LDB2: variants seen among roughly 807,000 people sequenced by gnomAD.
The protein encoded by LDB2 is LIM domain-binding protein 2.
Under a neutral mutation model 44.3 loss-of-function variants are expected in LDB2, and 12 were observed. The ratio of observed to expected loss-of-function variants is 0.27; its 90% CI spans 0.17 to 0.44. The LOEUF (loss-of-function observed/expected upper bound fraction) is 0.44, where lower values mean the gene tolerates loss of function less well. Ranked by LOEUF, LDB2 falls within the 20% of genes least tolerant of loss-of-function variation. LDB2 has a pLI of 1.00. For missense variants in LDB2, 344 were observed against 473.5 expected (o/e 0.73, Z 2.54); for synonymous variants, 164 against 174.8 (o/e 0.94, Z 0.49).
At position 16,782,397 on chromosome 4, in the gene LDB2, C is replaced by T. The variant is rs183616409; in HGVS notation, c.133-23137G>A. On this transcript the variant is annotated intron_variant, in intron 1 of 7. Coordinates refer to ENST00000304523, the MANE Select transcript of LDB2 (RefSeq NM_001290.5). ...ACGGAGTCTTGCTCTGTCTCCCAGG[C>T]TGGAGTGCAGTGGCACGATCTTGGT... Among the ~76,000 whole-genome samples, 434 of 150,670 alleles carry T rather than the reference C, an allele frequency of 2.9e-3. 1 individual carries two copies. The highest frequency in any genetic ancestry group is 5.0e-3 in the Non-Finnish European group (341 of 67,814).
At chr4:16,705,000 A>G (rs1424557534) in intron 2 of LDB2, among the ~76,000 whole-genome samples, 1 of 152,192 alleles carries the variant, frequency 6.6e-6, no homozygotes, top group East Asian at 1.9e-4. Flanking sequence ...TTGGCTTAAG[A>G]GGAAATTTCA....
rs16894113 is a variant in LDB2 at position 16,866,576 on chromosome 4, T to C, written c.132+31778A>G. 9.6e-4 allele frequency among the ~76,000 whole-genome samples: 146 copies of C among 152,202 alleles called. 1 individual carries two copies. The highest frequency in any genetic ancestry group is 3.4e-3 in the African/African-American group (142 of 41,534). ...CAACATTATACTCTAGGTTAGTCAA[T>C]GAAAAGACAGGGTGAAAAGAAGTTG... On this transcript the variant is annotated intron_variant, in intron 1 of 7. Transcript: ENST00000304523.
chr4:16,731,087 A>G (rs945654591), intron 2 of LDB2, among the ~76,000 whole-genome samples: 2 of 152,198 alleles, frequency 1.3e-5, no homozygotes, highest in Non-Finnish European at 2.9e-5. Flanking sequence ...ACCACCAAAA[A>G]GAATCAGACC....
chr4:16,559,479 A>G (rs1387871058), intron 5 of LDB2, among the ~76,000 whole-genome samples: 1 of 152,220 alleles, frequency 6.6e-6, no homozygotes, highest in African/African-American at 2.4e-5. Flanking sequence ...AGGCCATTAT[A>G]TAATGGTAAA....
intron 1 of LDB2, among the ~76,000 whole-genome samples, chr4:16,844,294 C>A (rs370900412): frequency 1.4e-5 from 2 of 143,192 alleles, no homozygotes; most frequent in South Asian, 2.3e-4. Flanking sequence ...AATGGTGAGT[C>A]ACCAAGCAAC....
At chr4:16,814,029 G>A (rs906837321) in intron 1 of LDB2, among the ~76,000 whole-genome samples, 11 of 151,848 alleles carry the variant, frequency 7.2e-5, no homozygotes, top group African/African-American at 1.9e-4. Context: ...CCACCACCAC[G>A]CCTGGCTAAT....
intron 2 of LDB2, among the ~76,000 whole-genome samples, chr4:16,666,181 AG>A (rs1053816982): frequency 1.3e-5 from 2 of 152,232 alleles, no homozygotes; most frequent in Non-Finnish European, 1.5e-5. Context: ...GATGATGGAA[AG>A]CACAATAGGG....
intron 2 of LDB2, among the ~76,000 whole-genome samples, chr4:16,601,960 C>T (rs1415306797): frequency 6.6e-6 from 1 of 151,936 alleles, no homozygotes; most frequent in African/African-American, 2.4e-5. Context: ...GATACTAGTT[C>T]AAGGTAGATC....
At chr4:16,527,392 C>T (rs1301435215) in intron 5 of LDB2, among the ~76,000 whole-genome samples, 2 of 151,630 alleles carry the variant, frequency 1.3e-5, no homozygotes, top group Admixed American at 6.6e-5. Context: ...ACCTTACTCC[C>T]GGAAGAATGG....
At chr4:16,567,058 A>G (rs1481711193) in intron 5 of LDB2, among the ~76,000 whole-genome samples, 2 of 152,224 alleles carry the variant, frequency 1.3e-5, no homozygotes, top group Admixed American at 6.5e-5. Flanking sequence ...TACAACCACT[A>G]TGTTGAATAA....
chr4:16,568,693 A>T (rs764100176), intron 5 of LDB2, among the ~76,000 whole-genome samples: 1 of 152,206 alleles, frequency 6.6e-6, no homozygotes, highest in Non-Finnish European at 1.5e-5. Context: ...GAACCTACAG[A>T]TAAGAAAAAT....
intron 1 of LDB2, among the ~76,000 whole-genome samples, chr4:16,768,816 T>C (rs1464103292): frequency 6.6e-6 from 1 of 152,146 alleles, no homozygotes; most frequent in African/African-American, 2.4e-5. Context: ...TATAAACCCC[T>C]TAAAACCTCA....
intron 5 of LDB2, among the ~76,000 whole-genome samples, chr4:16,584,410 G>T (rs898733531): frequency 1.3e-5 from 2 of 152,348 alleles, no homozygotes; most frequent in Middle Eastern, 3.4e-3. Flanking sequence ...GAAGCGCATG[G>T]ATTCTTGGGT....
intron 2 of LDB2, among the ~76,000 whole-genome samples, chr4:16,716,884 A>C (rs1757168079): frequency 6.6e-6 from 1 of 152,100 alleles, no homozygotes; most frequent in African/African-American, 2.4e-5. Context: ...TCATGTATTT[A>C]TTTTAATGTG....
intron 1 of LDB2, among the ~76,000 whole-genome samples, chr4:16,860,493 C>T (rs962276587): frequency 2.6e-5 from 4 of 152,194 alleles, no homozygotes; most frequent in African/African-American, 9.7e-5. Flanking sequence ...AAGAAAATGA[C>T]ACCAGCCATC....
At chr4:16,615,459 C>T (rs1434494976) in intron 2 of LDB2, among the ~76,000 whole-genome samples, 1 of 152,078 alleles carries the variant, frequency 6.6e-6, no homozygotes, top group African/African-American at 2.4e-5. Flanking sequence ...TTTGCAGGGA[C>T]ATGGATGAAG....
At chr4:16,659,619 C>T (rs965239835) in intron 2 of LDB2, among the ~76,000 whole-genome samples, 2 of 142,298 alleles carry the variant, frequency 1.4e-5, no homozygotes, top group African/African-American at 5.6e-5. Context: ...TACACACACA[C>T]ACATACATAG....
At chr4:16,808,110 AG>A (rs112082017) in intron 1 of LDB2, among the ~76,000 whole-genome samples, 9 of 152,160 alleles carry the variant, frequency 5.9e-5, no homozygotes, top group African/African-American at 1.7e-4. Context: ...GAAAAAAAGA[AG>A]GAAAAAAAGG....
intron 1 of LDB2, among the ~76,000 whole-genome samples, chr4:16,828,599 C>A (rs561926493): frequency 1.3e-3 from 198 of 152,220 alleles, no homozygotes; most frequent in Non-Finnish European, 2.2e-3. Flanking sequence ...TGTTGTATCT[C>A]TCTCAGAGTT....
Sources: gnomAD v4.1 joint callset for allele counts (sites outside exome capture counted in the v4.1 genomes callset) on GRCh38, gnomAD v4.1.1 for gene constraint, MANE v1.5 for transcripts, NCBI Gene and HGNC (gene_info 2026-07-23, HGNC 2026-07-21) for gene names.